Variants in ANKFN1 observed in about 807,000 individuals in gnomAD.
The protein encoded by ANKFN1 is ankyrin repeat and fibronectin type-III domain-containing protein 1.
In ANKFN1, 74 loss-of-function variants were observed where a neutral mutation model predicts 108.7. The ratio of observed to expected loss-of-function variants is 0.68; its 90% CI spans 0.56 to 0.83. The LOEUF (loss-of-function observed/expected upper bound fraction) is 0.83. Among genes scored for constraint, ANKFN1 ranks in the 40% least tolerant of loss-of-function variants. The probability of loss-of-function intolerance (pLI) is 0.00; values close to 1 mark genes in which losing one functional copy is unlikely to be tolerated. For synonymous variants in ANKFN1, 547 were observed against 516.2 expected (o/e 1.06, Z -0.81); for missense variants, 1,505 against 1,382.3 (o/e 1.09, Z -1.41).
chr17:56,239,220 T>C (rs1917396522), intron 3 of ANKFN1, among the ~76,000 whole-genome samples: 1 of 152,182 alleles, frequency 6.6e-6, no homozygotes. Context: ...AGTTGCATCA[T>C]ATTAATCTGA....
chr17:56,058,078 G>A (rs1212361738), intron 4 of ANKFN1, among the ~76,000 whole-genome samples: 2 of 152,166 alleles, frequency 1.3e-5, no homozygotes, highest in Non-Finnish European at 2.9e-5. Flanking sequence ...TATTTGCATA[G>A]CACAGAGTAG....
chr17:56,411,668 A>G (rs2048093807), intron 8 of ANKFN1, among the ~76,000 whole-genome samples: 1 of 152,128 alleles, frequency 6.6e-6, no homozygotes, highest in South Asian at 2.1e-4. Context: ...TTTCTTCTAT[A>G]CTGATTTTGT....
chr17:56,188,575 G>GTATATA (rs1315546547), intron 1 of ANKFN1, among the ~76,000 whole-genome samples: 60 of 88,168 alleles, frequency 6.8e-4, no homozygotes, highest in African/African-American at 2.1e-3. Flanking sequence ...GTGTGTGTGT[G>GTATATA]TGTGTGTATA....
chr17:56,397,415 T>C (rs1253246808), intron 8 of ANKFN1, among the ~76,000 whole-genome samples: 4 of 152,228 alleles, frequency 2.6e-5, no homozygotes, highest in Non-Finnish European at 5.9e-5. Flanking sequence ...GCCAAAGAAC[T>C]GTCCACTGCC....
intron 3 of ANKFN1, among the ~76,000 whole-genome samples, chr17:56,276,958 G>A (rs57360766): frequency 0.046 from 7,035 of 152,100 alleles, 536 homozygotes; most frequent in African/African-American, 0.16. Flanking sequence ...GGCAAATTCC[G>A]TTTTGAGGTT....
chr17:56,317,222 G>A (rs375533680), intron 3 of ANKFN1, among the ~76,000 whole-genome samples: 2 of 152,246 alleles, frequency 1.3e-5, no homozygotes, highest in African/African-American at 4.8e-5. Context: ...CCCTCACTTA[G>A]AGGAGAAAAC....
At chr17:56,205,393 A>G (rs1465223820) in intron 1 of ANKFN1, among the ~76,000 whole-genome samples, 1 of 152,240 alleles carries the variant, frequency 6.6e-6, no homozygotes, top group Non-Finnish European at 1.5e-5. Flanking sequence ...AAATATTTAT[A>G]AAAGTTGATG....
At chr17:56,408,047 G>A (rs567404448) in intron 8 of ANKFN1, among the ~76,000 whole-genome samples, 1 of 140,814 alleles carries the variant, frequency 7.1e-6, no homozygotes, top group African/African-American at 2.6e-5. Context: ...CGATTCTCTT[G>A]CCTCAGCCTC....
intron 10 of ANKFN1, among the ~76,000 whole-genome samples, chr17:56,444,304 C>G (rs2049209827): frequency 6.6e-6 from 1 of 152,206 alleles, no homozygotes; most frequent in Admixed American, 6.5e-5. Context: ...TAACATTCAA[C>G]TGTAGGTTTG....
At chr17:56,428,729 C>T (rs2048658358) in intron 8 of ANKFN1, among the ~76,000 whole-genome samples, 1 of 152,180 alleles carries the variant, frequency 6.6e-6, no homozygotes. Flanking sequence ...TCCCAGAGTG[C>T]TGGGATTACA....
Position 56,483,159 on chromosome 17 carries a change from T to C in ANKFN1, c.2260+635T>C, listed in dbSNP as rs566490684. ...TTCTGAATGGTGGAAGATCTTGTCC[T>C]GACTTTCAAAAATGAATAGCCTGGG... On this transcript the variant is annotated intron_variant, in intron 18 of 20. Transcript: ENST00000682825. 1.4e-4 allele frequency among the ~76,000 whole-genome samples: 21 copies of C among 152,352 alleles called. 2 individuals carry two copies. Among genetic ancestry groups the C allele is most frequent in the African/African-American group, 4.6e-4 (19 of 41,588 alleles).
chr17:56,415,011 C>A (rs907565035), intron 8 of ANKFN1, among the ~76,000 whole-genome samples: 1 of 151,530 alleles, frequency 6.6e-6, no homozygotes, highest in South Asian at 2.1e-4. Context: ...CAGAGTGAGA[C>A]TCTGTCTCAA....
intron 4 of ANKFN1, among the ~76,000 whole-genome samples, chr17:56,078,962 C>T (rs1393743968): frequency 6.6e-6 from 1 of 152,174 alleles, no homozygotes; most frequent in Non-Finnish European, 1.5e-5. Flanking sequence ...TCAAAGTACA[C>T]CACACTGGCA....
intron 4 of ANKFN1, among the ~76,000 whole-genome samples, chr17:56,062,368 G>A (rs1272962715): frequency 1.3e-5 from 2 of 152,122 alleles, no homozygotes; most frequent in Non-Finnish European, 2.9e-5. Context: ...AGGAGTCTAA[G>A]TCTCTTTGTA....
chr17:56,260,634 A>G lies in ANKFN1; in HGVS notation c.53+32677A>G, dbSNP rs554961367. Among the ~76,000 whole-genome samples, 4 of 152,324 alleles carry G rather than the reference A, an allele frequency of 2.6e-5. No homozygotes were observed. The East Asian group carries it at 5.8e-4, about 22-fold the overall frequency. Reference sequence around the variant, plus strand: ...CATGGGGTTTAAAAATGAAGGAAAAAAGTACTCGGTAAAGTATGTCTGGGG... The same window carrying G: ...CATGGGGTTTAAAAATGAAGGAAAAGAGTACTCGGTAAAGTATGTCTGGGG... On this transcript the variant is annotated intron_variant, in intron 3 of 20. Transcript: ENST00000682825.
In ANKFN1 at chr17:56,374,719, T is replaced by C. The variant is rs1383632528; in HGVS notation, c.910+5T>C. On this transcript the variant is annotated splice_donor_5th_base_variant and intron_variant, in intron 8 of 20. Coordinates refer to ENST00000682825, the MANE Select transcript of ANKFN1 (RefSeq NM_001370326.1). ...CTGTAGTAACCAGGTATAAAGGTACTGGACCCAAGACATGTTTTCATCACT... is the reference window on the plus strand; with the variant it reads ...CTGTAGTAACCAGGTATAAAGGTACCGGACCCAAGACATGTTTTCATCACT... The C allele has an allele frequency of 5.0e-6, 8 of 1,599,328 alleles. No homozygotes were observed. The highest frequency in any genetic ancestry group is 6.8e-6 in the Non-Finnish European group (8 of 1,168,350).
chr17:56,511,237 C>T lies in ANKFN1; in HGVS notation c.3409C>T (p.Pro1137Ser). The T allele has an allele frequency of 2.0e-6, 3 of 1,532,464 alleles. No individual in the cohort carries two copies. The highest frequency in any genetic ancestry group is 2.6e-6 in the Non-Finnish European group (3 of 1,144,504). 94.9% of individuals were successfully genotyped at this position (1,532,464 alleles called of 1,614,324 possible). A position where few individuals can be genotyped will look rare whatever the true frequency, so the allele number is the denominator to read the frequency against. Reference sequence around the variant, plus strand: ...GAGTCAGGAGGGCCCCACCGCCTCTCCCATGTCAGAAATACTCAGCAGCAT... The same window carrying T: ...GAGTCAGGAGGGCCCCACCGCCTCTTCCATGTCAGAAATACTCAGCAGCAT... ...DVSQEGPTAS[P>S]MSEILSSML The change falls in exon 21 of 21, where the codon CCC becomes TCC. Residue 1137 changes from proline to serine, a missense_variant. By Grantham distance (74) the Pro-to-Ser change is moderately conservative. Coordinates refer to ENST00000682825, the MANE Select transcript of ANKFN1 (RefSeq NM_001370326.1).
intron 8 of ANKFN1, among the ~76,000 whole-genome samples, chr17:56,398,436 G>A (rs193163139): frequency 1.3e-5 from 2 of 152,108 alleles, no homozygotes; most frequent in Non-Finnish European, 2.9e-5. Flanking sequence ...ATGACCTTGA[G>A]TACAAAGGTC....
At chr17:56,486,379 C>G (rs73313476) in intron 18 of ANKFN1, among the ~76,000 whole-genome samples, 9,637 of 152,204 alleles carry the variant, frequency 0.063, 1,040 homozygotes, top group African/African-American at 0.22. Flanking sequence ...AATACACTCT[C>G]TAATACAATG....
Sources: allele counts gnomAD v4.1 joint callset (sites outside exome capture counted in the v4.1 genomes callset), GRCh38; gene constraint gnomAD v4.1.1; transcripts MANE v1.5; gene names NCBI Gene and HGNC (gene_info 2026-07-23, HGNC 2026-07-21).